GUCY1A1: variants seen among roughly 807,000 people sequenced by gnomAD.
GUCY1A1 encodes guanylate cyclase 1 soluble subunit alpha 1, also known as guanylate cyclase soluble subunit alpha-1.
A neutral mutation model predicts 64.5 loss-of-function variants in GUCY1A1; 48 were observed. The ratio of observed to expected loss-of-function variants is 0.74; its 90% CI spans 0.59 to 0.95. The LOEUF (loss-of-function observed/expected upper bound fraction) is 0.95. GUCY1A1 is among the 40% of genes least tolerant of loss of function. GUCY1A1 has a pLI of 0.00. For missense variants in GUCY1A1, 804 were observed against 825.3 expected (o/e 0.97, Z 0.32); for synonymous variants, 308 against 303.4 (o/e 1.02, Z -0.16).
intron 2 of GUCY1A1, among the ~76,000 whole-genome samples, chr4:155,672,097 C>T (rs1274115038): frequency 6.6e-6 from 1 of 151,658 alleles, no homozygotes; most frequent in African/African-American, 2.4e-5. Context: ...CTTATTTTCC[C>T]CATCGAATTT....
At chr4:155,705,053 T>G (rs995161082) in intron 4 of GUCY1A1, among the ~76,000 whole-genome samples, 3 of 152,094 alleles carry the variant, frequency 2.0e-5, no homozygotes, top group Non-Finnish European at 2.9e-5. Flanking sequence ...TCACCTAATT[T>G]TTGTTTTGGT....
intron 2 of GUCY1A1, among the ~76,000 whole-genome samples, chr4:155,695,117 G>A (rs1230872517): frequency 6.6e-6 from 1 of 152,070 alleles, no homozygotes; most frequent in East Asian, 1.9e-4. Context: ...ATAACTTTAG[G>A]TAACAGAGCC....
intron 3 of GUCY1A1, among the ~76,000 whole-genome samples, chr4:155,700,648 A>G (rs567329245): frequency 6.6e-6 from 1 of 152,294 alleles, no homozygotes; most frequent in East Asian, 1.9e-4. Context: ...ACTTGAGAGC[A>G]CTACAAACTA....
chr4:155,710,071 G>A (rs1385808545), intron 5 of GUCY1A1, among the ~76,000 whole-genome samples: 1 of 152,130 alleles, frequency 6.6e-6, no homozygotes, highest in African/African-American at 2.4e-5. Context: ...AAAATGCTTT[G>A]TAATCATTTC....
chr4:155,715,404 G>C (rs7657615), intron 7 of GUCY1A1, among the ~76,000 whole-genome samples: 146,707 of 152,224 alleles, frequency 0.96, 70,806 homozygotes, highest in East Asian at 1. Flanking sequence ...CTGTTTCTCT[G>C]TGTGTTCATT....
intron 2 of GUCY1A1, among the ~76,000 whole-genome samples, chr4:155,675,082 C>T (rs1245182709): frequency 6.6e-6 from 1 of 151,426 alleles, no homozygotes; most frequent in African/African-American, 2.5e-5. Flanking sequence ...TGTATGTGGT[C>T]CATAGCTGAC....
chr4:155,722,230 T>C, intron 9 of GUCY1A1, 38 bp downstream of exon 9: 1 of 1,596,288 alleles, frequency 6.3e-7, no homozygotes, highest in South Asian at 1.1e-5. Flanking sequence ...CTCTTGTTTT[T>C]ATTTATATAC....
At position 155,730,375 on chromosome 4, in the gene GUCY1A1, C is replaced by A; in HGVS notation, c.*144C>A. On this transcript the variant is annotated 3_prime_UTR_variant, in exon 10 of 10. Transcript: ENST00000506455. ...AAGTCACAATCTTTCTCCTGTTTAA[C>A]ATGACAAAATGTATGTACTCACTTC... 4.3e-6 allele frequency: 2 copies of A among 466,928 alleles called. No homozygotes were observed. The highest frequency in any genetic ancestry group is 7.2e-6 in the Non-Finnish European group (2 of 277,762). 28.9% of individuals were successfully genotyped at this position (466,928 alleles called of 1,614,324 possible).
At chr4:155,690,792 T>A (rs1283871292) in intron 2 of GUCY1A1, among the ~76,000 whole-genome samples, 1 of 152,190 alleles carries the variant, frequency 6.6e-6, no homozygotes, top group East Asian at 1.9e-4. Flanking sequence ...TTGGAACTGA[T>A]ACATCAGAAA....
At chr4:155,675,027 AT>A (rs974766861) in intron 2 of GUCY1A1, among the ~76,000 whole-genome samples, 3 of 151,494 alleles carry the variant, frequency 2.0e-5, no homozygotes, top group African/African-American at 7.4e-5. Flanking sequence ...TCACTAAGGA[AT>A]GGGAATTTTT....
Position 155,717,294 on chromosome 4 carries a change from C to T in GUCY1A1, c.1708C>T (p.Pro570Ser), listed in dbSNP as rs769197270. 2 of 1,582,458 alleles carry T rather than the reference C, an allele frequency of 1.3e-6. No individual in the cohort carries two copies. Among genetic ancestry groups the T allele is most frequent in the South Asian group, 2.3e-5 (2 of 85,810 alleles). The change falls in exon 8 of 10, where the codon CCT (proline) becomes TCT (serine). Residue 570 changes from proline to serine, a missense_variant. Coordinates refer to ENST00000506455, the MANE Select transcript of GUCY1A1 (RefSeq NM_001130682.3). Reference sequence around the variant, plus strand: ...TGAAGTTATGTCTCCCCATGGAGAACCTATCAAGGTAAGGCAGATGATATA... The same window carrying T: ...TGAAGTTATGTCTCCCCATGGAGAATCTATCAAGGTAAGGCAGATGATATA... ...SDEVMSPHGEPIKMRIGLHSG... is the reference protein window; with the variant it reads ...SDEVMSPHGESIKMRIGLHSG...
chr4:155,680,928 C>T (rs1453816620), intron 2 of GUCY1A1, among the ~76,000 whole-genome samples: 1 of 144,074 alleles, frequency 6.9e-6, no homozygotes, highest in Non-Finnish European at 1.5e-5. Context: ...TGGATACACA[C>T]ACACACACAC....
chr4:155,704,852 G>A (rs1475531011), intron 4 of GUCY1A1, among the ~76,000 whole-genome samples: 1 of 152,060 alleles, frequency 6.6e-6, no homozygotes, highest in Non-Finnish European at 1.5e-5. Flanking sequence ...AAAAAACTGA[G>A]ATTAAGGGCA....
intron 3 of GUCY1A1, among the ~76,000 whole-genome samples, chr4:155,700,732 T>C (rs1047456032): frequency 1.1e-4 from 16 of 152,134 alleles, no homozygotes; most frequent in Non-Finnish European, 1.6e-4. Context: ...GTTCCAGTGA[T>C]TGTACAAATA....
chr4:155,724,708 C>T (rs1351750963), intron 9 of GUCY1A1, among the ~76,000 whole-genome samples: 5 of 152,098 alleles, frequency 3.3e-5, no homozygotes, highest in African/African-American at 1.2e-4. Context: ...TTGCCGTGCT[C>T]AGAGCCTCTT....
chr4:155,712,381 C>T (rs1171526284), intron 6 of GUCY1A1, among the ~76,000 whole-genome samples: 1 of 152,190 alleles, frequency 6.6e-6, no homozygotes, highest in Non-Finnish European at 1.5e-5. Flanking sequence ...ATCCATCCGC[C>T]TCGTTCTCCT....
chr4:155,692,598 T>C lies in GUCY1A1; in HGVS notation c.-112-4158T>C, dbSNP rs1729889775. Among the ~76,000 whole-genome samples, 3 of 152,216 alleles carry C rather than the reference T, an allele frequency of 2.0e-5. No individual in the cohort carries two copies. In the South Asian group the frequency reaches 6.2e-4, roughly 32 times the overall value. On this transcript the variant is annotated intron_variant, in intron 2 of 9. Transcript: ENST00000506455. ...CATGACTGTTGGTCACATGTATGCC[T>C]TCTTTTGAAAAGTGTCTTTTTCTAA...
chr4:155,726,116 T>C lies in GUCY1A1; in HGVS notation c.1872-3914T>C, dbSNP rs185557725. Among the ~76,000 whole-genome samples the C allele has an allele frequency of 7.2e-5, 11 of 152,158 alleles. No individual in the cohort carries two copies. In the East Asian group the frequency reaches 2.1e-3, roughly 29 times the overall value. On this transcript the variant is annotated intron_variant, in intron 9 of 9. Coordinates refer to ENST00000506455, the MANE Select transcript of GUCY1A1 (RefSeq NM_001130682.3). ...GCTCATTTGCTGAAGTCATTTCTAC[T>C]TTTTATAGACAAATATGATATAGCT...
At chr4:155,669,529 A>C (rs1733833283) in intron 2 of GUCY1A1, among the ~76,000 whole-genome samples, 1 of 152,070 alleles carries the variant, frequency 6.6e-6, no homozygotes, top group Admixed American at 6.5e-5. Context: ...AAAAGTGTGA[A>C]AAACTTCACA....
Sources: gnomAD v4.1 joint callset for allele counts (sites outside exome capture counted in the v4.1 genomes callset) on GRCh38, gnomAD v4.1.1 for gene constraint, MANE v1.5 for transcripts, NCBI Gene and HGNC (gene_info 2026-07-23, HGNC 2026-07-21) for gene names.